The following LRP1B variants were observed in gnomAD, a reference collection of about 807,000 sequenced individuals.
The protein encoded by LRP1B is low-density lipoprotein receptor-related protein 1B.
Under a neutral mutation model 556.6 loss-of-function variants are expected in LRP1B, and 217 were observed. That is an observed-to-expected ratio of 0.39 (90% CI 0.35 to 0.44). The LOEUF (loss-of-function observed/expected upper bound fraction) is 0.44, where lower values mean the gene tolerates loss of function less well. Ranked by LOEUF, LRP1B falls within the 20% of genes least tolerant of loss-of-function variation. LRP1B has a pLI of 1.00. For synonymous variants in LRP1B, 2,047 were observed against 1,865.8 expected (o/e 1.10, Z -2.50); for missense variants, 5,053 against 5,620.8 (o/e 0.90, Z 3.23).
intron 2 of LRP1B, among the ~76,000 whole-genome samples, chr2:141,510,911 C>CTCA: frequency 6.9e-6 from 1 of 144,762 alleles, no homozygotes; most frequent in Non-Finnish European, 1.5e-5. Flanking sequence ...CACACACACC[C>CTCA]CACACAAACA....
At chr2:140,267,146 A>C (rs1182166301) in intron 86 of LRP1B, among the ~76,000 whole-genome samples, 1 of 152,090 alleles carries the variant, frequency 6.6e-6, no homozygotes, top group Admixed American at 6.6e-5. Flanking sequence ...TAACACAGTA[A>C]GTGGTACAGA....
At chr2:141,585,468 T>A (rs892197893) in intron 2 of LRP1B, among the ~76,000 whole-genome samples, 3 of 138,942 alleles carry the variant, frequency 2.2e-5, no homozygotes, top group South Asian at 2.2e-4. Flanking sequence ...TGTGTGTGTG[T>A]GATGGGGTGG....
chr2:140,302,823 C>A (rs1002055289), intron 83 of LRP1B, among the ~76,000 whole-genome samples: 1 of 151,872 alleles, frequency 6.6e-6, no homozygotes, highest in African/African-American at 2.4e-5. Flanking sequence ...GCTTCCTCCT[C>A]CCACCCAGTT....
At chr2:141,581,959 T>A (rs1338930255) in intron 2 of LRP1B, among the ~76,000 whole-genome samples, 1 of 152,242 alleles carries the variant, frequency 6.6e-6, no homozygotes, top group African/African-American at 2.4e-5. Flanking sequence ...GTTTTAAAAA[T>A]GGTATGGAAA....
chr2:140,651,322 G>A (rs1278653203), intron 41 of LRP1B, among the ~76,000 whole-genome samples: 2 of 126,270 alleles, frequency 1.6e-5, no homozygotes, highest in Non-Finnish European at 3.2e-5. Context: ...TGGACACAGG[G>A]AGGGGAATAT....
chr2:140,502,371 C>T (rs1689237100), intron 54 of LRP1B, among the ~76,000 whole-genome samples: 1 of 151,910 alleles, frequency 6.6e-6, no homozygotes. Context: ...GTTCCAAATA[C>T]AGCTATGGAA....
At chr2:141,869,081 G>GA (rs938499545) in intron 1 of LRP1B, among the ~76,000 whole-genome samples, 18 of 151,906 alleles carry the variant, frequency 1.2e-4, no homozygotes, top group South Asian at 2.1e-4. Context: ...AAATATAGAT[G>GA]AAAAAAATCA....
rs115980327 is a variant in LRP1B, at chr2:141,541,062, C to T, written c.206-60529G>A. Among the ~76,000 whole-genome samples the T allele has an allele frequency of 7.0e-3, 1,071 of 152,116 alleles. 8 individuals are homozygous for T. The highest frequency in any genetic ancestry group is 0.023 in the African/African-American group (954 of 41,546). ...GATATCATTCAAGTTAAAATCTTCC[C>T]TCCAAACAAGGAGCTTTTTTATAAC... On this transcript the variant is annotated intron_variant, in intron 2 of 90. Coordinates refer to ENST00000389484, the MANE Select transcript of LRP1B (RefSeq NM_018557.3).
chr2:140,840,782 T>C (rs1573789835), intron 30 of LRP1B, 136 bp downstream of exon 30: 2 of 578,684 alleles, frequency 3.5e-6, no homozygotes, highest in Non-Finnish European at 2.8e-6. Flanking sequence ...TCTTTTACAG[T>C]TTCCATATTT....
intron 3 of LRP1B, among the ~76,000 whole-genome samples, chr2:141,390,604 A>T (rs1690014640): frequency 6.6e-6 from 1 of 152,256 alleles, no homozygotes; most frequent in Admixed American, 6.5e-5. Flanking sequence ...AGACATAAAT[A>T]GGAATGAAGT....
At chr2:141,605,722 A>C (rs1687894819) in intron 2 of LRP1B, among the ~76,000 whole-genome samples, 1 of 152,236 alleles carries the variant, frequency 6.6e-6, no homozygotes, top group Non-Finnish European at 1.5e-5. Flanking sequence ...CCATATGCCA[A>C]GAAAGACTTT....
chr2:141,728,569 A>G (rs1693138789), intron 2 of LRP1B, among the ~76,000 whole-genome samples: 1 of 152,098 alleles, frequency 6.6e-6, no homozygotes, highest in African/African-American at 2.4e-5. Context: ...CTGAATCACC[A>G]CGGGAATAAG....
At chr2:141,112,369 C>T (rs1441698328) in intron 7 of LRP1B, among the ~76,000 whole-genome samples, 1 of 152,062 alleles carries the variant, frequency 6.6e-6, no homozygotes, top group African/African-American at 2.4e-5. Context: ...TTTAATACCA[C>T]ATTTTTCTAA....
At chr2:141,134,523 T>C (rs943439958) in intron 7 of LRP1B, among the ~76,000 whole-genome samples, 4 of 151,896 alleles carry the variant, frequency 2.6e-5, no homozygotes, top group Non-Finnish European at 5.9e-5. Context: ...CTTAAGACAG[T>C]TCTTTGTAGC....
At chr2:141,048,906 A>C in intron 11 of LRP1B, 80 bp downstream of exon 11, 2 of 1,065,824 alleles carry the variant, frequency 1.9e-6, no homozygotes, top group Non-Finnish European at 2.9e-6. Context: ...GGTTAAAGCT[A>C]GTCTGACACA....
At chr2:141,040,500 G>A (rs1372717791) in intron 11 of LRP1B, among the ~76,000 whole-genome samples, 1 of 152,018 alleles carries the variant, frequency 6.6e-6, no homozygotes, top group Non-Finnish European at 1.5e-5. Context: ...TAAGGTCAGT[G>A]TCATTCAGGT....
chr2:140,546,000 T>TTTTG (rs374489389), intron 43 of LRP1B, among the ~76,000 whole-genome samples: 1 of 142,602 alleles, frequency 7.0e-6, no homozygotes, highest in Non-Finnish European at 1.5e-5. Context: ...TATTATTAGG[T>TTTTG]TGTGTGTGTG....
At chr2:140,340,886 A>G (rs1681357105) in intron 77 of LRP1B, among the ~76,000 whole-genome samples, 1 of 151,490 alleles carries the variant, frequency 6.6e-6, no homozygotes, top group South Asian at 2.1e-4. Context: ...TACCTAACCT[A>G]TTTCAATCAT....
chr2:140,871,958 C>T (rs1055181536), intron 25 of LRP1B, among the ~76,000 whole-genome samples: 1 of 150,920 alleles, frequency 6.6e-6, no homozygotes, highest in African/African-American at 2.4e-5. Flanking sequence ...GAATTAAAAG[C>T]TAACATCCAA....
Sources: gnomAD v4.1 joint callset for allele counts (sites outside exome capture counted in the v4.1 genomes callset) on GRCh38, gnomAD v4.1.1 for gene constraint, MANE v1.5 for transcripts, NCBI Gene and HGNC (gene_info 2026-07-23, HGNC 2026-07-21) for gene names.